PLCG2: variants seen among roughly 807,000 people sequenced by gnomAD.
PLCG2 encodes 1-phosphatidylinositol 4,5-bisphosphate phosphodiesterase gamma-2.
Under a neutral mutation model 175.6 loss-of-function variants are expected in PLCG2, and 69 were observed. That is an observed-to-expected ratio of 0.39 (90% CI 0.32 to 0.48). The LOEUF is 0.48. PLCG2 is among the 20% of genes least tolerant of loss of function. PLCG2 has a pLI of 0.91. For synonymous variants in PLCG2, 827 were observed against 624.0 expected (o/e 1.33, Z -4.85); for missense variants, 1,798 against 1,650.9 (o/e 1.09, Z -1.54).
chr16:81,895,690 A>C (rs1908851742), intron 12 of PLCG2, 117 bp from the exon 13 acceptor site: 1 of 1,137,766 alleles, frequency 8.8e-7, no homozygotes, highest in Non-Finnish European at 1.3e-6. Context: ...TGGCAGCCGA[A>C]TGGAGGGAGT....
In PLCG2 at chr16:81,750,006, G is replaced by A. The variant is rs192364139; in HGVS notation, c.-144-5864G>A. Among the ~76,000 whole-genome samples the A allele has an allele frequency of 3.7e-3, 557 of 151,800 alleles. 2 individuals carry two copies. The highest frequency in any genetic ancestry group is 5.7e-3 in the Non-Finnish European group (385 of 67,974). On this transcript the variant is annotated intron_variant, in intron 1 of 5. Transcript: ENST00000565054. Reference sequence around the variant, plus strand: ...CCTAGAAAGAGATCTGCAATATACCGTTAAGTAAAAACAACAGTAGAATAA... The same window carrying A: ...CCTAGAAAGAGATCTGCAATATACCATTAAGTAAAAACAACAGTAGAATAA...
intron 31 of PLCG2, among the ~76,000 whole-genome samples, chr16:81,947,956 G>A (rs1411963796): frequency 1.3e-5 from 2 of 152,076 alleles, no homozygotes; most frequent in African/African-American, 2.4e-5. Context: ...TCATACAGGT[G>A]CCCTTTTCTA....
intron 5 of PLCG2, 180 bp downstream of exon 5, chr16:81,859,343 G>C (rs986993079): frequency 5.4e-5 from 30 of 554,596 alleles, no homozygotes; most frequent in Non-Finnish European, 9.1e-5. Context: ...CCTCCTGGAG[G>C]GAGCCTCTAT....
chr16:81,939,016 C>T (rs1910831512), intron 29 of PLCG2, 101 bp downstream of exon 29: 2 of 697,782 alleles, frequency 2.9e-6, no homozygotes, highest in Non-Finnish European at 5.1e-6. Context: ...CTTTAGTTGT[C>T]CCAGGGTTTT....
intron 2 of PLCG2, among the ~76,000 whole-genome samples, chr16:81,758,650 C>T (rs1909977334): frequency 6.6e-6 from 1 of 151,436 alleles, no homozygotes; most frequent in South Asian, 2.1e-4. Flanking sequence ...TCCATATCCT[C>T]ACCAATACTT....
At chr16:81,809,652 C>T (rs1904300674) in intron 2 of PLCG2, among the ~76,000 whole-genome samples, 1 of 152,112 alleles carries the variant, frequency 6.6e-6, no homozygotes, top group Non-Finnish European at 1.5e-5. Flanking sequence ...TTGGGCCACC[C>T]TGGGACTTGC....
chr16:81,910,132 C>T (rs1909554728), intron 17 of PLCG2, among the ~76,000 whole-genome samples: 1 of 152,126 alleles, frequency 6.6e-6, no homozygotes, highest in Non-Finnish European at 1.5e-5. Flanking sequence ...GCTCTGTCGC[C>T]CAGGCTGGAG....
At chr16:81,854,990 A>G (rs140525315) in intron 3 of PLCG2, among the ~76,000 whole-genome samples, 21 of 152,160 alleles carry the variant, frequency 1.4e-4, no homozygotes, top group African/African-American at 5.1e-4. Flanking sequence ...CGGGCAGATC[A>G]CTTGAGGTCA....
chr16:81,845,326 TC>T (rs1250810503), intron 2 of PLCG2, among the ~76,000 whole-genome samples: 2 of 152,192 alleles, frequency 1.3e-5, no homozygotes, highest in Non-Finnish European at 2.9e-5. Flanking sequence ...TTGTTTTTTT[TC>T]CCCTACATTT....
Position 81,828,235 on chromosome 16 carries a change from A to AT in PLCG2, c.194-26181dup, listed in dbSNP as rs67992648. ...CTGTTCCAGACTGTTGAGAAATGTC[A>AT]TTTTTTTTTTTTTTTTTTTTTTTTT... On this transcript the variant is annotated intron_variant, in intron 2 of 32. Transcript: ENST00000564138. Among the ~76,000 whole-genome samples the AT allele has an allele frequency of 5.8e-3, 342 of 59,390 alleles. 38 individuals carry two copies. The highest frequency in any genetic ancestry group is 0.021 in the African/African-American group (315 of 14,776). The allele number at this position is 59,390 out of a possible 152,430, so 39.0% of individuals were successfully genotyped here.
intron 5 of PLCG2, among the ~76,000 whole-genome samples, chr16:81,866,856 T>G (rs1385301488): frequency 6.6e-6 from 1 of 152,198 alleles, no homozygotes; most frequent in Non-Finnish European, 1.5e-5. Flanking sequence ...TCCTCCACCT[T>G]CATCCTGCCC....
At chr16:81,819,457 C>T (rs932945388) in intron 2 of PLCG2, among the ~76,000 whole-genome samples, 1 of 152,168 alleles carries the variant, frequency 6.6e-6, no homozygotes, top group Non-Finnish European at 1.5e-5. Flanking sequence ...CCCAGGAAGC[C>T]TGAGGCTTAG....
intron 2 of PLCG2, among the ~76,000 whole-genome samples, chr16:81,793,133 C>T (rs1436394735): frequency 6.6e-6 from 1 of 152,238 alleles, no homozygotes; most frequent in Non-Finnish European, 1.5e-5. Context: ...TGAAGCACAA[C>T]ACCTCACTTC....
intron 32 of PLCG2, among the ~76,000 whole-genome samples, chr16:81,957,697 C>G (rs759099143): frequency 6.6e-6 from 1 of 152,116 alleles, no homozygotes; most frequent in East Asian, 1.9e-4. Flanking sequence ...TGTGCTGCCT[C>G]CCTTACTCAC....
intron 2 of PLCG2, among the ~76,000 whole-genome samples, chr16:81,846,553 G>A (rs1906129228): frequency 6.6e-6 from 1 of 152,198 alleles, no homozygotes; most frequent in Admixed American, 6.5e-5. Flanking sequence ...TCAAGGATGA[G>A]GCTACTGTAT....
At chr16:81,881,627 T>A (rs1223075439) in intron 8 of PLCG2, among the ~76,000 whole-genome samples, 1 of 152,196 alleles carries the variant, frequency 6.6e-6, no homozygotes, top group Admixed American at 6.5e-5. Flanking sequence ...AAAGTATAAA[T>A]AAAATGAATC....
At chr16:81,761,540 C>T (rs1242521627) in intron 2 of PLCG2, among the ~76,000 whole-genome samples, 1 of 152,126 alleles carries the variant, frequency 6.6e-6, no homozygotes, top group African/African-American at 2.4e-5. Context: ...GTCTTTCCCT[C>T]GGCTAGCCTT....
intron 5 of PLCG2, among the ~76,000 whole-genome samples, chr16:81,860,581 T>G (rs1166920730): frequency 8.5e-5 from 13 of 152,156 alleles, no homozygotes; most frequent in Admixed American, 8.5e-4. Flanking sequence ...AACCAAGTGT[T>G]TTTGCTTAAA....
intron 31 of PLCG2, among the ~76,000 whole-genome samples, chr16:81,949,296 G>A (rs1911274814): frequency 6.6e-6 from 1 of 152,170 alleles, no homozygotes; most frequent in Admixed American, 6.5e-5. Context: ...TTGCAGGTGA[G>A]ATGAATAGAA....
Sources: allele counts gnomAD v4.1 joint callset (sites outside exome capture counted in the v4.1 genomes callset), GRCh38; gene constraint gnomAD v4.1.1; transcripts MANE v1.5; gene names NCBI Gene and HGNC (gene_info 2026-07-23, HGNC 2026-07-21).